The following MYT1 variants were observed in gnomAD, a reference collection of about 807,000 sequenced individuals.
The protein encoded by MYT1 is myelin transcription factor 1, also known as myelin transcription factor I.
Under a neutral mutation model 123.0 loss-of-function variants are expected in MYT1, and 23 were observed. That is an observed-to-expected ratio of 0.19 (90% CI 0.13 to 0.26). The LOEUF is 0.26. Ranked by LOEUF, MYT1 falls within the 10% of genes least tolerant of loss-of-function variation. The pLI is 1.00. For synonymous variants in MYT1, 518 were observed against 575.3 expected (o/e 0.90, Z 1.43); for missense variants, 1,125 against 1,472.5 (o/e 0.76, Z 3.86).
rs1982159812 is a variant in MYT1 at position 64,168,916 on chromosome 20, A to G, written c.-99+4177A>G. 6.6e-6 allele frequency among the ~76,000 whole-genome samples: 1 copy of G among 152,128 alleles called. No individual in the cohort carries two copies. Among genetic ancestry groups the G allele is most frequent in the African/African-American group, 2.4e-5 (1 of 41,418 alleles). On this transcript the variant is annotated intron_variant, in intron 1 of 22. Coordinates refer to ENST00000328439, the MANE Select transcript of MYT1 (RefSeq NM_004535.3). This position sits in a 1 kb window ranked among gnomAD's most constrained non-coding sequence, Gnocchi z 6.1. The stretch of plus-strand genomic sequence containing the variant: ...ATATGGCCTGAGCTGCTGACAGATG[A>G]GCCTGCTGGCCCCACCTCTCTCTCA...
chr20:64,232,349 C>G lies in MYT1; in HGVS notation c.2861C>G (p.Ser954Cys). ...PTCPTPGCDG[S>C]GHANGSFLTH... Reference sequence around the variant, plus strand: ...TGCCCCACCCCGGGCTGTGACGGCTCTGGCCACGCCAATGGGAGTTTCCTC... The same window carrying G: ...TGCCCCACCCCGGGCTGTGACGGCTGTGGCCACGCCAATGGGAGTTTCCTC... Residue 954 changes from serine to cysteine, a missense_variant, in exon 19 of 23, where the codon TCT becomes TGT. By Grantham distance (112) the Ser-to-Cys change is moderately radical (BLOSUM62 -1). Around this residue, in one of 4 missense-constraint regions of MYT1, gnomAD observed 243 missense variants for 323.1 expected, o/e 0.75. Transcript: ENST00000328439. This position sits in a 1 kb window ranked among gnomAD's most constrained non-coding sequence, Gnocchi z 6.9. 6.2e-7 allele frequency: 1 copy of G among 1,613,030 alleles called. No individual in the cohort carries two copies. Among genetic ancestry groups the G allele is most frequent in the Non-Finnish European group, 8.5e-7 (1 of 1,180,002 alleles).
rs1464184434 is a variant in MYT1 at position 64,192,283 on chromosome 20, G to A, written c.-1+2123G>A. 6.6e-6 allele frequency among the ~76,000 whole-genome samples: 1 copy of A among 152,228 alleles called. No individual in the cohort carries two copies. The highest frequency in any genetic ancestry group is 1.5e-5 in the Non-Finnish European group (1 of 68,038). ...CTGCTCTGAATAGAGAAGCTAAGATGAAAAGTGTGCCAGAGAAGGCGAGAG... is the reference window on the plus strand; with the variant it reads ...CTGCTCTGAATAGAGAAGCTAAGATAAAAAGTGTGCCAGAGAAGGCGAGAG... On this transcript the variant is annotated intron_variant, in intron 2 of 22. Transcript: ENST00000328439. The surrounding 1 kb of genome is among the most constrained non-coding windows in gnomAD (Gnocchi z 5.3).
intron 16 of MYT1, 109 bp downstream of exon 16, chr20:64,223,468 C>T: frequency 2.4e-6 from 3 of 1,228,430 alleles, no homozygotes; most frequent in Non-Finnish European, 3.6e-6. Context: ...CAAGCCTCAG[C>T]TGGCCCCAGC....
chr20:64,225,543 T>C (rs1037349869), intron 16 of MYT1, among the ~76,000 whole-genome samples: 3 of 152,206 alleles, frequency 2.0e-5, no homozygotes, highest in African/African-American at 7.2e-5. Flanking sequence ...ACAGGCTTTG[T>C]GCAGGGTGAA....
chr20:64,179,998 A>G (rs1308290998), intron 1 of MYT1, among the ~76,000 whole-genome samples: 1 of 150,884 alleles, frequency 6.6e-6, no homozygotes, highest in Non-Finnish European at 1.5e-5. Context: ...TTACACACAT[A>G]CGCCACACAC....
At chr20:64,170,488 G>A (rs1170392289) in intron 1 of MYT1, among the ~76,000 whole-genome samples, 3 of 152,222 alleles carry the variant, frequency 2.0e-5, no homozygotes, top group African/African-American at 7.2e-5. Context: ...AAGGACACTT[G>A]TGTTGGGAAG....
Position 64,213,496 on chromosome 20 carries a change from G to T in MYT1, c.1518-38G>T. The T allele has an allele frequency of 6.5e-7, 1 of 1,546,374 alleles. No individual in the cohort carries two copies. Reference sequence around the variant, plus strand: ...ACACCCAGGACAGGACAGGCATGGAGGGGAAGGCTCAGAAACCCCTCCTCT... The same window carrying T: ...ACACCCAGGACAGGACAGGCATGGATGGGAAGGCTCAGAAACCCCTCCTCT... On this transcript the variant is annotated intron_variant, in intron 9 of 22. Coordinates refer to ENST00000328439, the MANE Select transcript of MYT1 (RefSeq NM_004535.3). The surrounding 1 kb of genome is among the most constrained non-coding windows in gnomAD (Gnocchi z 5.6).
chr20:64,238,416 T>C (rs1984613795), intron 21 of MYT1, among the ~76,000 whole-genome samples: 1 of 151,652 alleles, frequency 6.6e-6, no homozygotes, highest in African/African-American at 2.4e-5. Flanking sequence ...GACTCTGCTC[T>C]GGTCTCTACT....
At chr20:64,224,990 C>T (rs182403101) in intron 16 of MYT1, among the ~76,000 whole-genome samples, 37 of 152,280 alleles carry the variant, frequency 2.4e-4, no homozygotes, top group Non-Finnish European at 3.5e-4. Context: ...AGAACCTTAA[C>T]GCCAAACTTC....
chr20:64,235,457 G>A (rs1302843092), intron 19 of MYT1, among the ~76,000 whole-genome samples: 5 of 141,298 alleles, frequency 3.5e-5, no homozygotes, highest in Admixed American at 7.0e-5. Flanking sequence ...GGATGGCCGC[G>A]GTGGGTGACC....
At position 64,208,057 on chromosome 20, in the gene MYT1, G is replaced by GGAA. The variant is rs1568710914; in HGVS notation, c.863_864insAGA (p.Glu306dup). 1.3e-6 allele frequency: 2 copies of GGAA among 1,580,978 alleles called. No individual in the cohort carries two copies. Among genetic ancestry groups the GGAA allele is most frequent in the South Asian group, 1.1e-5 (1 of 87,252 alleles). ...AGGAAGAGGAGGAGGAAGAGGAAGAGGAGGAGGAGGAAGAGGAAGAGGAGG... is the reference window on the plus strand; with the variant it reads ...AGGAAGAGGAGGAGGAAGAGGAAGAGGAAGAGGAGGAGGAAGAGGAAGAGGAGG... On this transcript the variant is annotated inframe_insertion, in exon 7 of 23. Coordinates refer to ENST00000328439, the MANE Select transcript of MYT1 (RefSeq NM_004535.3). This position sits in a 1 kb window ranked among gnomAD's most constrained non-coding sequence, Gnocchi z 5.4.
At chr20:64,188,301 A>G (rs1982870739) in intron 1 of MYT1, among the ~76,000 whole-genome samples, 1 of 152,162 alleles carries the variant, frequency 6.6e-6, no homozygotes, top group Non-Finnish European at 1.5e-5. Flanking sequence ...TCTCCTCTGG[A>G]GCACACAGAC....
Position 64,236,614 on chromosome 20 carries a change from A to G in MYT1, c.2957A>G (p.Glu986Gly). The G allele has an allele frequency of 6.2e-7, 1 of 1,613,750 alleles. No homozygotes were observed. The highest frequency in any genetic ancestry group is 8.5e-7 in the Non-Finnish European group (1 of 1,179,848). Reference sequence around the variant, plus strand: ...AAGAAGGGAAAACTGTCAGGGGATGAGGTCCTCAGTCCAAAGTTCAAGACT... The same window carrying G: ...AAGAAGGGAAAACTGTCAGGGGATGGGGTCCTCAGTCCAAAGTTCAAGACT... ...AGKKGKLSGDEVLSPKFKTSD... is the reference protein window; with the variant it reads ...AGKKGKLSGDGVLSPKFKTSD... The change falls in exon 20 of 23, where the codon GAG becomes GGG. Residue 986 changes from glutamate to glycine, a missense_variant. By Grantham distance (98) the Glu-to-Gly change is moderately conservative. Transcript: ENST00000328439.
chr20:64,237,222 C>G lies in MYT1; in HGVS notation c.2990-65C>G, dbSNP rs945162614. On this transcript the variant is annotated intron_variant, in intron 20 of 22. Coordinates refer to ENST00000328439, the MANE Select transcript of MYT1 (RefSeq NM_004535.3). The stretch of plus-strand genomic sequence containing the variant: ...TTCAGTTCTAGAAAGCAGGCTTCCC[C>G]ACAGCACTTTGGCCCAGGCCTGCCT... 9.4e-6 allele frequency: 13 copies of G among 1,380,604 alleles called. No individual in the cohort carries two copies. In the African/African-American group the frequency reaches 1.6e-4, roughly 17 times the overall value. The allele number at this position is 1,380,604 out of a possible 1,614,324, so 85.5% of individuals were successfully genotyped here.
chr20:64,199,213 G>GCCGCCAGCCTTCCA (rs1018228366), intron 3 of MYT1, among the ~76,000 whole-genome samples: 4 of 152,190 alleles, frequency 2.6e-5, no homozygotes, highest in African/African-American at 9.6e-5. Context: ...GAAATGAGAG[G>GCCGCCAGCCTTCCA]CCGCCAGCCT....
chr20:64,172,741 C>CTTTTTTTTTTT (rs33943131), intron 1 of MYT1, among the ~76,000 whole-genome samples: 2 of 95,546 alleles, frequency 2.1e-5, no homozygotes, highest in Non-Finnish European at 3.9e-5. Context: ...GCCATACCCT[C>CTTTTTTTTTTT]TTTTTTTTTT....
Position 64,211,359 on chromosome 20 carries a change from C to T in MYT1, c.1426+19C>T, listed in dbSNP as rs367947760. ...CCAGAGAGTGAGTAGCTCTGTGCAG[C>T]GTTAGCCCTAACTGTGAAGCTCACG... On this transcript the variant is annotated intron_variant, in intron 8 of 22. Transcript: ENST00000328439. 4.8e-4 allele frequency: 773 copies of T among 1,600,094 alleles called. 1 individual carries two copies. The highest frequency in any genetic ancestry group is 8.1e-4 in the African/African-American group (61 of 74,866).
Position 64,218,712 on chromosome 20 carries a change from A to C in MYT1, c.1847-199A>C. 1.4e-6 allele frequency: 1 copy of C among 709,368 alleles called. No homozygotes were observed. Among genetic ancestry groups the C allele is most frequent in the South Asian group, 1.7e-5 (1 of 58,984 alleles). 43.9% of individuals were successfully genotyped at this position (709,368 alleles called of 1,614,324 possible). A position where few individuals can be genotyped will look rare whatever the true frequency, so the allele number is the denominator to read the frequency against. On this transcript the variant is annotated intron_variant, in intron 11 of 22. Coordinates refer to ENST00000328439, the MANE Select transcript of MYT1 (RefSeq NM_004535.3). The surrounding 1 kb of genome is among the most constrained non-coding windows in gnomAD (Gnocchi z 4.0). ...GTGGCCAAGCCCCTGGCCCACTTCG[A>C]TATAGCTGTGCCCTGGGCCCTCCCA...
chr20:64,232,384 A>G lies in MYT1; in HGVS notation c.2896A>G (p.Ser966Gly). The G allele has an allele frequency of 6.2e-7, 1 of 1,612,788 alleles. No individual in the cohort carries two copies. Among genetic ancestry groups the G allele is most frequent in the Non-Finnish European group, 8.5e-7 (1 of 1,179,872 alleles). ...CAATGGGAGTTTCCTCACCCACCGGAGGTAACTGTGCCTGCAGGTCCTGCC... is the reference window on the plus strand; with the variant it reads ...CAATGGGAGTTTCCTCACCCACCGGGGGTAACTGTGCCTGCAGGTCCTGCC... ...HANGSFLTHR[S>G]LSGCPRATFA... is the part of the protein sequence containing the mutation. Residue 966 changes from serine to glycine, a missense_variant and splice_region_variant, in exon 19 of 23, where the codon AGT becomes GGT. This residue lies in a region of MYT1 where 243 missense variants were observed against 323.1 expected (regional missense o/e 0.75). Coordinates refer to ENST00000328439, the MANE Select transcript of MYT1 (RefSeq NM_004535.3). The surrounding 1 kb of genome is among the most constrained non-coding windows in gnomAD (Gnocchi z 6.9).
Sources: gnomAD v4.1 joint callset for allele counts (sites outside exome capture counted in the v4.1 genomes callset) on GRCh38, gnomAD v4.1.1 for gene constraint, gnomAD v4.1.1 regional missense constraint, Gnocchi (gnomAD v3.1) non-coding constraint, MANE v1.5 for transcripts, NCBI Gene and HGNC (gene_info 2026-07-23, HGNC 2026-07-21) for gene names.